Variants in CACNA1S observed in about 807,000 individuals in gnomAD.
CACNA1S encodes calcium voltage-gated channel subunit alpha1 S.
CACNA1S carries 126 observed loss-of-function variants against 207.4 expected under a neutral mutation model. That is an observed-to-expected ratio of 0.61 (90% CI 0.53 to 0.70). The LOEUF (loss-of-function observed/expected upper bound fraction) is 0.70, where lower values mean the gene tolerates loss of function less well. Ranked by LOEUF, CACNA1S falls within the 30% of genes least tolerant of loss-of-function variation. CACNA1S has a pLI of 0.00. For synonymous variants in CACNA1S, 960 were observed against 932.7 expected, an observed-to-expected ratio of 1.03 and a Z score of -0.53; for missense variants, 2,349 against 2,422.8, an observed-to-expected ratio of 0.97 and a Z score of 0.64.
chr1:201,106,936 G>A (rs1347559049), intron 2 of CACNA1S, among the ~76,000 whole-genome samples: 1 of 152,230 alleles, frequency 6.6e-6, no homozygotes, highest in East Asian at 1.9e-4. Flanking sequence ...TGTCAGCCCA[G>A]GGTAGAGACA....
rs1558091940 is a variant in CACNA1S at position 201,112,163 on chromosome 1, C to CAA, written c.152+24_152+25insTT. On this transcript the variant is annotated intron_variant, in intron 1 of 43. Transcript: ENST00000362061. ...CCTCCCTCATGACGCACACCCCCCCCCACGGCCCGGGCCCTGAAGGATACT... is the reference window on the plus strand; with the variant it reads ...CCTCCCTCATGACGCACACCCCCCCCAACACGGCCCGGGCCCTGAAGGATACT... 1.9e-6 allele frequency: 3 copies of CAA among 1,607,254 alleles called. No individual in the cohort carries two copies. In the African/African-American group the frequency reaches 4.0e-5, roughly 22 times the overall value.
Position 201,076,917 on chromosome 1 carries a change from T to C in CACNA1S, c.1827+3A>G, listed in dbSNP as rs1057522801. On this transcript the variant is annotated splice_donor_region_variant and intron_variant, in intron 12 of 43. Coordinates refer to ENST00000362061, the MANE Select transcript of CACNA1S (RefSeq NM_000069.3). ...AGGAGGGACACGCAGAGGGAGAGCC[T>C]ACCTGGAAGACGCTGATGAGGGCTT... The C allele has an allele frequency of 6.2e-7, 1 of 1,613,878 alleles. No homozygotes were observed. Among genetic ancestry groups the C allele is most frequent in the South Asian group, 1.1e-5 (1 of 91,080 alleles).
intron 39 of CACNA1S, 73 bp downstream of exon 39, chr1:201,044,255 C>T (rs1210906253): frequency 8.8e-6 from 14 of 1,597,870 alleles, no homozygotes; most frequent in Non-Finnish European, 1.2e-5. Context: ...GCTGGGCTCC[C>T]AGCCCTCCTC....
intron 7 of CACNA1S, among the ~76,000 whole-genome samples, chr1:201,086,801 T>C (rs58264851): frequency 0.18 from 26,724 of 152,214 alleles, 2,615 homozygotes; most frequent in African/African-American, 0.24. Flanking sequence ...AATTTCAAAG[T>C]ATGGAGTAGT....
chr1:201,079,351 C>T (rs1661760754), intron 10 of CACNA1S, among the ~76,000 whole-genome samples: 1 of 152,126 alleles, frequency 6.6e-6, no homozygotes, highest in Non-Finnish European at 1.5e-5. Flanking sequence ...ACATCCAATG[C>T]TAATCTAACC....
chr1:201,061,256 AG>A lies in CACNA1S; in HGVS notation c.3255+10del. On this transcript the variant is annotated intron_variant, in intron 25 of 43. Transcript: ENST00000362061. ...GCTCTGCCCTCCACCTCTGGCAGGCAGCCCAGGCACCTGGTTCTTGTCCAGC... is the reference window on the plus strand; with the variant it reads ...GCTCTGCCCTCCACCTCTGGCAGGCACCCAGGCACCTGGTTCTTGTCCAGC... The A allele has an allele frequency of 6.2e-7, 1 of 1,613,330 alleles. No individual in the cohort carries two copies. The highest frequency in any genetic ancestry group is 8.5e-7 in the Non-Finnish European group (1 of 1,179,252).
intron 2 of CACNA1S, among the ~76,000 whole-genome samples, chr1:201,101,812 C>T (rs1662678515): frequency 6.6e-6 from 1 of 152,062 alleles, no homozygotes; most frequent in African/African-American, 2.4e-5. Flanking sequence ...ATGACAGCTA[C>T]ATTGGTCCTC....
rs1246944113 is a variant in CACNA1S at position 201,085,529 on chromosome 1, G to T, written c.1057C>A (p.Leu353Ile). The T allele has an allele frequency of 1.2e-6, 2 of 1,613,510 alleles. No individual in the cohort carries two copies. Among genetic ancestry groups the T allele is most frequent in the Non-Finnish European group, 1.7e-6 (2 of 1,179,932 alleles). The change falls in exon 8 of 44, where the codon CTC becomes ATC. Residue 353 changes from leucine to isoleucine, a missense_variant. Transcript: ENST00000362061. Reference protein sequence around the residue: ...KAKSRGTFQKLREKQQLDEDL... With the variant: ...KAKSRGTFQKIREKQQLDEDL... ...TCATCTAGTTGCTGCTTCTCCCGGAGCTTCTGGAAGGTTCCCCTGGACTTG... is the reference window on the plus strand; with the variant it reads ...TCATCTAGTTGCTGCTTCTCCCGGATCTTCTGGAAGGTTCCCCTGGACTTG...
At chr1:201,055,821 C>G (rs12032370) in intron 28 of CACNA1S, among the ~76,000 whole-genome samples, 1 of 151,992 alleles carries the variant, frequency 6.6e-6, no homozygotes, top group African/African-American at 2.4e-5. Context: ...CAGTGACACC[C>G]TCCTGGCCTC....
At chr1:201,048,852 T>C (rs1660558115) in intron 35 of CACNA1S, 151 bp downstream of exon 35, 4 of 818,772 alleles carry the variant, frequency 4.9e-6, no homozygotes, top group Non-Finnish European at 8.2e-6. Context: ...TGGGTGACAT[T>C]GCTGAGACTT....
Position 201,069,563 on chromosome 1 carries a change from C to A in CACNA1S, c.2399G>T (p.Trp800Leu). The change falls in exon 18 of 44, where the codon TGG becomes TTG. Residue 800 changes from tryptophan to leucine, a missense_variant. By Grantham distance (61) the Trp-to-Leu change is moderately conservative. Transcript: ENST00000362061. ...VLCHRIVNATWFTNFILLFIL... is the reference protein window; with the variant it reads ...VLCHRIVNATLFTNFILLFIL... ...GAAGAGCAGGATGAAGTTGGTAAACCAGGTGGCATTGACGATGCGGTGACA... is the reference window on the plus strand; with the variant it reads ...GAAGAGCAGGATGAAGTTGGTAAACAAGGTGGCATTGACGATGCGGTGACA... 1.9e-6 allele frequency: 3 copies of A among 1,568,744 alleles called. No homozygotes were observed. The highest frequency in any genetic ancestry group is 2.3e-5 in the East Asian group (1 of 43,358).
Position 201,047,596 on chromosome 1 carries a change from C to T in CACNA1S, c.4472G>A (p.Arg1491Lys), listed in dbSNP as rs2102553652. 6.2e-7 allele frequency: 1 copy of T among 1,614,190 alleles called. No homozygotes were observed. The highest frequency in any genetic ancestry group is 8.5e-7 in the Non-Finnish European group (1 of 1,180,008). The change falls in exon 37 of 44, where the codon AGG becomes AAG. Residue 1491 changes from arginine (R) to lysine (K), a missense_variant. Physicochemically the swap from Arg to Lys is conservative, Grantham distance 26. Coordinates refer to ENST00000362061, the MANE Select transcript of CACNA1S (RefSeq NM_000069.3). ...GNFEQANEEL[R>K]AIIKKIWKRT... ...CTTCCAGATCTTCTTGATGATGGCC[C>T]TCAGCTCCTCGTTGGCCTGCTCAAA...
At chr1:201,091,860 A>C in intron 4 of CACNA1S, 68 bp from the exon 5 acceptor site, 1 of 1,594,754 alleles carries the variant, frequency 6.3e-7, no homozygotes. Flanking sequence ...CTCCCTCCCT[A>C]TAAATCCTGG....
chr1:201,078,760 G>A (rs11811602), intron 10 of CACNA1S, among the ~76,000 whole-genome samples: 46,937 of 151,566 alleles, frequency 0.31, 8,339 homozygotes, highest in East Asian at 0.76. Context: ...CTCCCTGTCC[G>A]TGATTCTTTT....
chr1:201,085,910 C>T (rs2102155492), intron 7 of CACNA1S, among the ~76,000 whole-genome samples: 1 of 152,340 alleles, frequency 6.6e-6, no homozygotes. Context: ...AGTCCATTGC[C>T]TAACTGAATC....
chr1:201,103,954 G>A (rs894557966), intron 2 of CACNA1S, among the ~76,000 whole-genome samples: 5 of 152,222 alleles, frequency 3.3e-5, no homozygotes, highest in African/African-American at 1.2e-4. Flanking sequence ...AGCCCAGGAG[G>A]GGCCAAATGG....
In CACNA1S at chr1:201,053,557, C is replaced by T. The variant is rs755044361; in HGVS notation, c.3697G>A (p.Ala1233Thr). Reference sequence around the variant, plus strand: ...ATGACACGGAACAGGCGGAAGAAGGCGCTGGAGATGCGGGCACTCTCATCT... The same window carrying T: ...ATGACACGGAACAGGCGGAAGAAGGTGCTGGAGATGCGGGCACTCTCATCT... ...DPDESARISS[A>T]FFRLFRVMRL... Residue 1233 changes from alanine to threonine, a missense_variant, in exon 30 of 44, where the codon GCC becomes ACC. Ala to Thr is a moderately conservative substitution (Grantham distance 58, BLOSUM62 0). Coordinates refer to ENST00000362061, the MANE Select transcript of CACNA1S (RefSeq NM_000069.3). The surrounding 1 kb of genome is among the most constrained non-coding windows in gnomAD (Gnocchi z 5.1). 7 of 1,613,732 alleles carry T rather than the reference C, an allele frequency of 4.3e-6. No individual in the cohort carries two copies. The highest frequency in any genetic ancestry group is 1.3e-5 in the African/African-American group (1 of 74,844).
chr1:201,043,577 G>T, intron 39 of CACNA1S, 46 bp from the exon 40 acceptor site: 1 of 1,570,692 alleles, frequency 6.4e-7, no homozygotes, highest in Non-Finnish European at 8.8e-7. Context: ...GGGCAGGGAG[G>T]GCATGGGGGG....
chr1:201,041,641 G>T, intron 40 of CACNA1S, 52 bp from the exon 41 acceptor site: 1 of 1,351,438 alleles, frequency 7.4e-7, no homozygotes. Flanking sequence ...AGCTCTCTCG[G>T]CATCCCTGCC....
Sources: allele counts gnomAD v4.1 joint callset (sites outside exome capture counted in the v4.1 genomes callset), GRCh38; gene constraint gnomAD v4.1.1; non-coding constraint Gnocchi (gnomAD v3.1); transcripts MANE v1.5; gene names NCBI Gene and HGNC (gene_info 2026-07-23, HGNC 2026-07-21).